Variants in SLC25A44 observed in about 807,000 individuals in gnomAD.
SLC25A44 encodes solute carrier family 25 member 44.
A neutral mutation model predicts 29.9 loss-of-function variants in SLC25A44; 17 were observed. The observed-to-expected ratio is 0.57, with a 90% CI of 0.39 to 0.85. The LOEUF (loss-of-function observed/expected upper bound fraction) is 0.85. Ranked by LOEUF, SLC25A44 falls within the 40% of genes least tolerant of loss-of-function variation. SLC25A44 has a pLI of 0.00. For missense variants in SLC25A44, 302 were observed against 398.4 expected (o/e 0.76, Z 2.06); for synonymous variants, 140 against 151.8 (o/e 0.92, Z 0.57).
At chr1:156,208,058 A>G in intron 3 of SLC25A44, 45 bp downstream of exon 3, 1 of 1,589,798 alleles carries the variant, frequency 6.3e-7, no homozygotes, top group Non-Finnish European at 8.6e-7. Context: ...AGAAGCCATT[A>G]GAAGCATGAC....
intron 2 of SLC25A44, among the ~76,000 whole-genome samples, chr1:156,202,032 C>A (rs1369047272): frequency 6.6e-6 from 1 of 152,220 alleles, no homozygotes; most frequent in Non-Finnish European, 1.5e-5. Flanking sequence ...AGTCTTCATC[C>A]CAAGCTGGCT....
At chr1:156,199,805 T>C (rs1313574344) in intron 1 of SLC25A44, 30 bp from the exon 2 acceptor site, 1 of 1,574,746 alleles carries the variant, frequency 6.4e-7, no homozygotes, top group East Asian at 2.2e-5. Flanking sequence ...CCCTCCTTCT[T>C]CACATCCCTC....
intron 2 of SLC25A44, among the ~76,000 whole-genome samples, chr1:156,204,648 G>A (rs771130716): frequency 1.3e-5 from 2 of 151,574 alleles, no homozygotes; most frequent in African/African-American, 2.4e-5. Context: ...TGCCACACCC[G>A]GCAAATTTTT....
At chr1:156,200,831 AT>A (rs35620511) in intron 2 of SLC25A44, among the ~76,000 whole-genome samples, 6,684 of 99,780 alleles carry the variant, frequency 0.067, 261 homozygotes, top group African/African-American at 0.19. Flanking sequence ...TTTCCTCAGC[AT>A]TTTTTTTTTT....
chr1:156,199,736 G>A, intron 1 of SLC25A44, 99 bp from the exon 2 acceptor site: 1 of 1,009,404 alleles, frequency 9.9e-7, no homozygotes, highest in African/African-American at 1.6e-5. Context: ...GTGTCCAGGA[G>A]ATGAGGGCTG....
rs1009300110 is a variant in SLC25A44 at position 156,198,540 on chromosome 1, C to G, written c.-13-1295C>G. ...CATGGCTCACTGCAGCCCCAACCTTCAGGGCTCAGGTGATCCTCCCACCTC... is the reference window on the plus strand; with the variant it reads ...CATGGCTCACTGCAGCCCCAACCTTGAGGGCTCAGGTGATCCTCCCACCTC... On this transcript the variant is annotated intron_variant, in intron 1 of 3. Coordinates refer to ENST00000359511, the MANE Select transcript of SLC25A44 (RefSeq NM_014655.4). This position sits in a 1 kb window ranked among gnomAD's most constrained non-coding sequence, Gnocchi z 4.1. 3 of 151,130 alleles carry G rather than the reference C, an allele frequency of 2.0e-5. No individual in the cohort carries two copies. The highest frequency in any genetic ancestry group is 2.0e-4 in the Admixed American group (3 of 15,244). The allele number at this position is 151,130 out of a possible 1,614,324, so 9.4% of individuals were successfully genotyped here.
chr1:156,203,365 C>T (rs1334103855), intron 2 of SLC25A44, among the ~76,000 whole-genome samples: 1 of 152,180 alleles, frequency 6.6e-6, no homozygotes, highest in African/African-American at 2.4e-5. Context: ...CTTCTTAGTA[C>T]TTGTCATAAT....
At chr1:156,195,573 G>A (rs1656166759) in intron 1 of SLC25A44, among the ~76,000 whole-genome samples, 1 of 152,182 alleles carries the variant, frequency 6.6e-6, no homozygotes, top group African/African-American at 2.4e-5. Flanking sequence ...TGCGACCAGC[G>A]GACGGCATTC....
Position 156,211,480 on chromosome 1 carries a change from G to C in SLC25A44, c.*1049G>C, listed in dbSNP as rs769194439. 3 of 152,436 alleles carry C rather than the reference G, an allele frequency of 2.0e-5. No individual in the cohort carries two copies. The highest frequency in any genetic ancestry group is 4.4e-5 in the Non-Finnish European group (3 of 68,080). 9.4% of individuals were successfully genotyped at this position (152,436 alleles called of 1,614,324 possible). ...GTGGGTAGATTCTCTGCCCCAGGCA[G>C]CCATGACATACACATAAATACCCCA... On this transcript the variant is annotated 3_prime_UTR_variant, in exon 4 of 4. Transcript: ENST00000359511.
chr1:156,197,527 G>C (rs1486047325), intron 1 of SLC25A44: 2 of 152,222 alleles, frequency 1.3e-5, no homozygotes, highest in African/African-American at 4.8e-5. Context: ...GGGAAGCCGA[G>C]GCGGGTGGAT....
chr1:156,196,038 T>C (rs564127445), intron 1 of SLC25A44, among the ~76,000 whole-genome samples: 2 of 152,334 alleles, frequency 1.3e-5, no homozygotes, highest in South Asian at 4.1e-4. Flanking sequence ...ACGTCAACAT[T>C]TGTGCCTGAG....
At chr1:156,208,073 A>C in intron 3 of SLC25A44, 60 bp downstream of exon 3, 1 of 1,518,194 alleles carries the variant, frequency 6.6e-7, no homozygotes, top group African/African-American at 1.4e-5. Flanking sequence ...CATGACCTTC[A>C]AGCCCTCCAG....
rs1657380363 is a variant in SLC25A44 at position 156,212,252 on chromosome 1, TCTAGAGACC to T, written c.*1830_*1838del. 1 of 152,156 alleles carries T rather than the reference TCTAGAGACC, an allele frequency of 6.6e-6. No homozygotes were observed. Among genetic ancestry groups the T allele is most frequent in the Non-Finnish European group, 1.5e-5 (1 of 67,984 alleles). The allele number at this position is 152,156 out of a possible 1,614,324, so 9.4% of individuals were successfully genotyped here. The stretch of plus-strand genomic sequence containing the variant: ...TCTTTAAGCTCATCCTAGCAAGACC[TCTAGAGACC>T]CTAGAGACTCGACTTTAGTCCTTCC... On this transcript the variant is annotated 3_prime_UTR_variant, in exon 4 of 4. Transcript: ENST00000359511.
intron 2 of SLC25A44, among the ~76,000 whole-genome samples, chr1:156,205,251 C>G (rs574159296): frequency 1.3e-5 from 2 of 152,094 alleles, no homozygotes; most frequent in African/African-American, 4.8e-5. Context: ...CCATGTTGGT[C>G]AGACTGGTCT....
intron 3 of SLC25A44, among the ~76,000 whole-genome samples, chr1:156,208,873 G>A (rs142689874): frequency 9.3e-4 from 141 of 152,316 alleles, no homozygotes; most frequent in Non-Finnish European, 1.8e-3. Context: ...ACAGCACCTA[G>A]ACCAGGGAAA....
intron 2 of SLC25A44, 86 bp downstream of exon 2, chr1:156,200,558 G>A (rs1656503568): frequency 7.7e-7 from 1 of 1,301,936 alleles, no homozygotes; most frequent in Non-Finnish European, 1.1e-6. Context: ...TTAGAGTGGA[G>A]GTGAGATTTA....
chr1:156,210,118 G>C (rs1657197670), intron 3 of SLC25A44, 122 bp from the exon 4 acceptor site: 1 of 660,512 alleles, frequency 1.5e-6, no homozygotes, highest in Non-Finnish European at 2.6e-6. Context: ...TCCCTCACAA[G>C]CAGAATCCAC....
intron 2 of SLC25A44, among the ~76,000 whole-genome samples, chr1:156,205,306 T>C (rs1656866757): frequency 6.6e-6 from 1 of 151,994 alleles, no homozygotes; most frequent in African/African-American, 2.4e-5. Context: ...CCTCCCAGAG[T>C]GCTGGGATTA....
At chr1:156,199,419 A>G (rs1656405823) in intron 1 of SLC25A44, 1 of 192,364 alleles carries the variant, frequency 5.2e-6, no homozygotes, top group Non-Finnish European at 1.1e-5. Context: ...TGGTTTGTCC[A>G]TAGCATCCTG....
Sources: gnomAD v4.1 joint callset for allele counts (sites outside exome capture counted in the v4.1 genomes callset) on GRCh38, gnomAD v4.1.1 for gene constraint, Gnocchi (gnomAD v3.1) non-coding constraint, MANE v1.5 for transcripts, NCBI Gene and HGNC (gene_info 2026-07-23, HGNC 2026-07-21) for gene names.